MRTFA: variants seen among roughly 807,000 people sequenced by gnomAD.
The protein encoded by MRTFA is myocardin-related transcription factor A.
MRTFA carries 20 observed loss-of-function variants against 83.5 expected under a neutral mutation model. That is an observed-to-expected ratio of 0.24 (90% confidence interval 0.17 to 0.35). The LOEUF (loss-of-function observed/expected upper bound fraction) is 0.35, where lower values mean the gene tolerates loss of function less well. Ranked by LOEUF, MRTFA falls within the 10% of genes least tolerant of loss-of-function variation. MRTFA has a pLI of 1.00. For missense variants in MRTFA, 1,200 were observed against 1,224.7 expected (o/e 0.98, Z 0.30); for synonymous variants, 659 against 541.2 (o/e 1.22, Z -3.02).
At chr22:40,415,758 C>T (rs146936810) in intron 14 of MRTFA, among the ~76,000 whole-genome samples, 2,288 of 152,198 alleles carry the variant, frequency 0.015, 24 homozygotes, top group Non-Finnish European at 0.022. Context: ...GAGCTCTCTA[C>T]GGCCACCCCC....
At chr22:40,511,232 A>C (rs1030414452) in intron 3 of MRTFA, among the ~76,000 whole-genome samples, 21 of 152,198 alleles carry the variant, frequency 1.4e-4, no homozygotes, top group African/African-American at 5.1e-4. Context: ...GGTAGAGGTA[A>C]AATCTAGAGA....
intron 4 of MRTFA, among the ~76,000 whole-genome samples, chr22:40,451,976 T>G (rs1344364370): frequency 6.5e-5 from 2 of 30,720 alleles, no homozygotes; most frequent in African/African-American, 6.2e-4. Flanking sequence ...TTTTTTTTGG[T>G]TTTTTTTTTT....
At chr22:40,482,667 T>C (rs1328281047) in intron 3 of MRTFA, among the ~76,000 whole-genome samples, 1 of 152,170 alleles carries the variant, frequency 6.6e-6, no homozygotes, top group African/African-American at 2.4e-5. Context: ...ATTGCATTAG[T>C]TCTGCCCATT....
chr22:40,520,715 T>A (rs1369508734), intron 3 of MRTFA, among the ~76,000 whole-genome samples: 1 of 152,224 alleles, frequency 6.6e-6, no homozygotes, highest in Admixed American at 6.5e-5. Context: ...CCAAGGTTCA[T>A]TCATTTTATA....
intron 4 of MRTFA, among the ~76,000 whole-genome samples, chr22:40,449,701 T>G (rs1178091651): frequency 6.6e-6 from 1 of 152,262 alleles, no homozygotes; most frequent in Non-Finnish European, 1.5e-5. Context: ...AAGGACTTGC[T>G]GAATTTTCTC....
At chr22:40,555,144 C>T (rs1210845209) in intron 2 of MRTFA, among the ~76,000 whole-genome samples, 1 of 152,114 alleles carries the variant, frequency 6.6e-6, no homozygotes, top group Non-Finnish European at 1.5e-5. Flanking sequence ...AGACTTTGGA[C>T]CTTTGAATTA....
chr22:40,616,504 A>G (rs919078471), intron 1 of MRTFA, among the ~76,000 whole-genome samples: 2 of 152,318 alleles, frequency 1.3e-5, no homozygotes, highest in Middle Eastern at 3.4e-3. Context: ...TAGACTAGCT[A>G]GAGTAGTTTT....
intron 3 of MRTFA, among the ~76,000 whole-genome samples, chr22:40,530,557 A>G (rs1008038826): frequency 1.3e-5 from 2 of 152,214 alleles, no homozygotes; most frequent in African/African-American, 4.8e-5. Context: ...TCGGCTTCCT[A>G]AAGTGCTGGG....
intron 4 of MRTFA, among the ~76,000 whole-genome samples, chr22:40,457,083 G>A (rs2053597381): frequency 6.6e-6 from 1 of 152,148 alleles, no homozygotes; most frequent in African/African-American, 2.4e-5. Flanking sequence ...AGAATTGCAG[G>A]ACCAGGCATA....
chr22:40,611,225 C>T (rs2056384535), intron 1 of MRTFA, among the ~76,000 whole-genome samples: 1 of 152,038 alleles, frequency 6.6e-6, no homozygotes, highest in Non-Finnish European at 1.5e-5. Context: ...AGGCGTGAGC[C>T]ACTGCGCCCA....
chr22:40,562,111 G>C (rs1018281694), intron 2 of MRTFA, among the ~76,000 whole-genome samples: 3 of 152,052 alleles, frequency 2.0e-5, no homozygotes, highest in Admixed American at 2.0e-4. Context: ...CAGCTACTCA[G>C]GAGGCTGAGG....
chr22:40,563,642 C>A (rs903438205), intron 2 of MRTFA, among the ~76,000 whole-genome samples: 2 of 152,106 alleles, frequency 1.3e-5, no homozygotes, highest in African/African-American at 4.8e-5. Context: ...CGGGGAGGAT[C>A]CCTTGAGCCC....
At chr22:40,585,930 A>G (rs1781378176) in intron 2 of MRTFA, among the ~76,000 whole-genome samples, 1 of 152,250 alleles carries the variant, frequency 6.6e-6, no homozygotes, top group Non-Finnish European at 1.5e-5. Context: ...ACATCTTGCA[A>G]TTAAATAAAA....
At chr22:40,468,083 A>G (rs576788447) in intron 3 of MRTFA, among the ~76,000 whole-genome samples, 2 of 152,336 alleles carry the variant, frequency 1.3e-5, no homozygotes, top group Admixed American at 6.5e-5. Context: ...TGCTATTTGA[A>G]TAACTAGCTA....
chr22:40,609,780 G>A (rs1186688563), intron 1 of MRTFA, among the ~76,000 whole-genome samples: 3 of 151,958 alleles, frequency 2.0e-5, no homozygotes, highest in African/African-American at 4.8e-5. Flanking sequence ...GTGGTGAGTC[G>A]AGACTGCGCC....
Position 40,414,356 on chromosome 22 carries a change from A to T in MRTFA, c.2579-2449T>A, listed in dbSNP as rs183216136. Among the ~76,000 whole-genome samples, 9 of 152,258 alleles carry T rather than the reference A, an allele frequency of 5.9e-5. No homozygotes were observed. In the East Asian group the frequency reaches 1.7e-3, roughly 29 times the overall value. On this transcript the variant is annotated intron_variant, in intron 14 of 14. Coordinates refer to ENST00000355630, the MANE Select transcript of MRTFA (RefSeq NM_020831.6). ...CGTCTCCAAGGAAAAAAAAAGAAGA[A>T]ATTACCATATGATCCGGCAATTCCA...
At chr22:40,587,868 G>T in intron 2 of MRTFA, 1 of 405,768 alleles carries the variant, frequency 2.5e-6, no homozygotes, top group Non-Finnish European at 4.7e-6. Flanking sequence ...TTGTTTTTGT[G>T]CAAGTTGGTG....
At chr22:40,620,207 C>A (rs906695044) in intron 1 of MRTFA, among the ~76,000 whole-genome samples, 1 of 151,150 alleles carries the variant, frequency 6.6e-6, no homozygotes, top group Non-Finnish European at 1.5e-5. Flanking sequence ...CTCACCACAA[C>A]CTCCACCTCC....
intron 2 of MRTFA, among the ~76,000 whole-genome samples, chr22:40,558,283 T>C (rs1182591678): frequency 1.0e-5 from 1 of 95,506 alleles, no homozygotes; most frequent in Non-Finnish European, 2.0e-5. Context: ...TTGCAAGGGG[T>C]TGGGGAGATA....
Sources: gnomAD v4.1 joint callset for allele counts (sites outside exome capture counted in the v4.1 genomes callset) on GRCh38, gnomAD v4.1.1 for gene constraint, MANE v1.5 for transcripts, NCBI Gene and HGNC (gene_info 2026-07-23, HGNC 2026-07-21) for gene names.